The following PIWIL1 variants were observed in gnomAD, a reference collection of about 807,000 sequenced individuals.
PIWIL1 encodes the protein piwi-like protein 1.
In PIWIL1, 73 loss-of-function variants were observed where a neutral mutation model predicts 114.4. The ratio of observed to expected loss-of-function variants is 0.64; its 90% CI spans 0.53 to 0.78. The LOEUF (loss-of-function observed/expected upper bound fraction) is 0.78. Among genes scored for constraint, PIWIL1 ranks in the 30% least tolerant of loss-of-function variants. PIWIL1 has a pLI of 0.00. For missense variants in PIWIL1, 723 were observed against 1,063.1 expected (o/e 0.68, Z 4.45); for synonymous variants, 375 against 369.0 (o/e 1.02, Z -0.19).
the PIWIL1 span, among the ~76,000 whole-genome samples, chr12:130,393,219 T>C: frequency 8.0e-3 from 220 of 27,586 alleles, no homozygotes; most frequent in East Asian, 0.02. Flanking sequence ...ACCGTCATCA[T>C]GTGTGTCTGT....
chr12:130,402,546 T>C, the PIWIL1 span, among the ~76,000 whole-genome samples: 3 of 152,256 alleles, frequency 2.0e-5, no homozygotes, highest in Non-Finnish European at 4.4e-5. Flanking sequence ...CTTTACAGAA[T>C]AACTTTCTCT....
At chr12:130,383,867 A>G in the PIWIL1 span, 1 of 152,248 alleles carries the variant, frequency 6.6e-6, no homozygotes, top group Non-Finnish European at 1.5e-5. Context: ...CATTCTGCAG[A>G]AACAGCATTC....
Position 130,354,519 on chromosome 12 carries a change from C to G in PIWIL1, c.1045-18C>G. 1 of 1,614,062 alleles carries G rather than the reference C, an allele frequency of 6.2e-7. No individual in the cohort carries two copies. Among genetic ancestry groups the G allele is most frequent in the Non-Finnish European group, 8.5e-7 (1 of 1,179,982 alleles). On this transcript the variant is annotated intron_variant, in intron 9 of 20. Coordinates refer to ENST00000245255, the MANE Select transcript of PIWIL1 (RefSeq NM_004764.5). Reference sequence around the variant, plus strand: ...GAGGCATTTGCCGTGAACAGCGACCCTTTCGTCTCTTGAGCAGCAATACAA... The same window carrying G: ...GAGGCATTTGCCGTGAACAGCGACCGTTTCGTCTCTTGAGCAGCAATACAA...
At chr12:130,375,530 A>G (rs1029513493), downstream of PIWIL1, among the ~76,000 whole-genome samples, 1 of 152,196 alleles carries the variant, frequency 6.6e-6, no homozygotes, top group Non-Finnish European at 1.5e-5. Flanking sequence ...GGCGGCACGC[A>G]CGGTCTGTGC....
chr12:130,355,367 T>A (rs374594098), intron 11 of PIWIL1, among the ~76,000 whole-genome samples, 186 bp from the exon 12 acceptor site: 75 of 152,312 alleles, frequency 4.9e-4, no homozygotes, highest in African/African-American at 1.8e-3. Context: ...AAGAATGTCA[T>A]GAAGAGAAGC....
At chr12:130,420,272 T>G in the PIWIL1 span, among the ~76,000 whole-genome samples, 10 of 152,204 alleles carry the variant, frequency 6.6e-5, no homozygotes, top group Non-Finnish European at 8.8e-5. This position sits in a 1 kb window ranked among gnomAD's most constrained non-coding sequence, Gnocchi z 4.3. Context: ...GTGTAAAGTA[T>G]CTGGTTAGAG....
rs1384845128 is a variant in PIWIL1 at position 130,357,134 on chromosome 12, A to G, written c.1592+29A>G. On this transcript the variant is annotated intron_variant, in intron 13 of 20. Transcript: ENST00000245255. ...AGTTAATCAAGTCATTTCTGCTCTG[A>G]AAATTGCTTGGCAGTCATTTGGAGG... is the stretch of plus-strand genomic sequence containing the variant. The G allele has an allele frequency of 1.9e-6, 3 of 1,576,944 alleles. No individual in the cohort carries two copies. The African/African-American group carries it at 4.1e-5, about 21-fold the overall frequency.
chr12:130,355,740 C>T (rs1007262250), intron 12 of PIWIL1, 73 bp downstream of exon 12: 6 of 1,043,838 alleles, frequency 5.7e-6, no homozygotes, highest in Admixed American at 1.7e-5. Flanking sequence ...GGCAGGAGTA[C>T]AGTGGTGCAA....
chr12:130,407,747 G>C, the PIWIL1 span: 29 of 1,613,952 alleles, frequency 1.8e-5, no homozygotes, highest in Non-Finnish European at 2.3e-5. Context: ...CGTTGGGCGA[G>C]CTTTCTCTGG....
chr12:130,405,842 G>A, the PIWIL1 span, among the ~76,000 whole-genome samples: 4 of 152,230 alleles, frequency 2.6e-5, no homozygotes, highest in Admixed American at 2.6e-4. Context: ...ATACAGTTAA[G>A]TAATCTAGAA....
chr12:130,343,177 T>C, intron 3 of PIWIL1, 76 bp downstream of exon 3: 1 of 987,914 alleles, frequency 1.0e-6, no homozygotes, highest in Non-Finnish European at 1.5e-6. Context: ...TAAAACTTGG[T>C]ACAAAAATTT....
intron 14 of PIWIL1, 100 bp downstream of exon 14, chr12:130,357,653 A>G (rs950697425): frequency 1.3e-6 from 1 of 741,284 alleles, no homozygotes; most frequent in East Asian, 2.5e-5. Flanking sequence ...TTCAAATGTT[A>G]ATAGGTTCTC....
At chr12:130,355,847 A>G (rs2073349690) in intron 12 of PIWIL1, among the ~76,000 whole-genome samples, 180 bp downstream of exon 12, 1 of 152,164 alleles carries the variant, frequency 6.6e-6, no homozygotes, top group African/African-American at 2.4e-5. Flanking sequence ...GGAAGAACTG[A>G]GTTCCATGCC....
At chr12:130,401,707 A>G in the PIWIL1 span, among the ~76,000 whole-genome samples, 1 of 151,832 alleles carries the variant, frequency 6.6e-6, no homozygotes, top group Non-Finnish European at 1.5e-5. Flanking sequence ...ATTTCTTCCT[A>G]TCGAGGGTTT....
At chr12:130,383,299 T>G in the PIWIL1 span, 1 of 152,148 alleles carries the variant, frequency 6.6e-6, no homozygotes, top group Non-Finnish European at 1.5e-5. Flanking sequence ...GAATACAAAT[T>G]GAGGAGACGT....
intron 12 of PIWIL1, among the ~76,000 whole-genome samples, chr12:130,356,616 T>G (rs1395271622): frequency 2.6e-5 from 4 of 152,224 alleles, no homozygotes; most frequent in Admixed American, 1.3e-4. Context: ...GTAGCTATAC[T>G]TGTAAGATTT....
intron 12 of PIWIL1, among the ~76,000 whole-genome samples, chr12:130,356,627 T>C (rs972493104): frequency 1.3e-5 from 2 of 152,342 alleles, no homozygotes; most frequent in East Asian, 1.9e-4. Context: ...TGTAAGATTT[T>C]TTAAAAGATT....
the PIWIL1 span, among the ~76,000 whole-genome samples, chr12:130,381,557 A>G: frequency 5.3e-5 from 8 of 152,184 alleles, no homozygotes; most frequent in Admixed American, 5.2e-4. Context: ...GTATCCATGC[A>G]CTTGCTTGAA....
the PIWIL1 span, among the ~76,000 whole-genome samples, chr12:130,405,585 C>T: frequency 2.6e-5 from 4 of 151,880 alleles, no homozygotes; most frequent in African/African-American, 9.7e-5. Context: ...CTCCCTTTGC[C>T]CCAGGGAGTA....
Sources: gnomAD v4.1 joint callset for allele counts (sites outside exome capture counted in the v4.1 genomes callset) on GRCh38, gnomAD v4.1.1 for gene constraint, Gnocchi (gnomAD v3.1) non-coding constraint, MANE v1.5 for transcripts, NCBI Gene and HGNC (gene_info 2026-07-23, HGNC 2026-07-21) for gene names.